Variants in SORCS2 observed in about 807,000 individuals in gnomAD.
SORCS2 encodes the protein sortilin related VPS10 domain containing receptor 2.
In SORCS2, 100 loss-of-function variants were observed where a neutral mutation model predicts 141.6. The observed-to-expected ratio is 0.71, with a 90% CI of 0.60 to 0.83. The LOEUF (loss-of-function observed/expected upper bound fraction) is 0.83, where lower values mean the gene tolerates loss of function less well. Among genes scored for constraint, SORCS2 ranks in the 40% least tolerant of loss-of-function variants. SORCS2 has a pLI of 0.00. For synonymous variants in SORCS2, 789 were observed against 676.9 expected, an observed-to-expected ratio of 1.17 and a Z score of -2.57; for missense variants, 1,646 against 1,560.2, an observed-to-expected ratio of 1.05 and a Z score of -0.93.
chr4:7,240,228 T>G (rs878869965), intron 1 of SORCS2, among the ~76,000 whole-genome samples: 2 of 152,162 alleles, frequency 1.3e-5, no homozygotes, highest in Non-Finnish European at 2.9e-5. Flanking sequence ...AAACACCAGG[T>G]ACCTGCGGGT....
chr4:7,282,614 C>T (rs567074450), intron 1 of SORCS2, among the ~76,000 whole-genome samples: 11 of 152,266 alleles, frequency 7.2e-5, no homozygotes, highest in South Asian at 2.1e-4. Flanking sequence ...GGGTGGGAGC[C>T]GGTGGGAAAG....
At chr4:7,427,317 C>G (rs1347672703) in intron 2 of SORCS2, among the ~76,000 whole-genome samples, 1 of 152,126 alleles carries the variant, frequency 6.6e-6, no homozygotes, top group Non-Finnish European at 1.5e-5. Context: ...GAGCCAGACT[C>G]TAAATGTGAT....
intron 1 of SORCS2, among the ~76,000 whole-genome samples, chr4:7,361,736 T>C (rs1240656050): frequency 1.3e-5 from 2 of 151,582 alleles, no homozygotes; most frequent in South Asian, 2.1e-4. Context: ...TGTAAGGCTT[T>C]TATTAAACTG....
At chr4:7,228,748 C>G (rs1214555308) in intron 1 of SORCS2, among the ~76,000 whole-genome samples, 2 of 152,230 alleles carry the variant, frequency 1.3e-5, no homozygotes, top group African/African-American at 2.4e-5. Context: ...TCCAGCTGCT[C>G]TGGGGCTGCT....
intron 1 of SORCS2, among the ~76,000 whole-genome samples, chr4:7,367,861 C>G (rs965206506): frequency 6.6e-6 from 1 of 152,194 alleles, no homozygotes; most frequent in Non-Finnish European, 1.5e-5. Context: ...AATCTGACCC[C>G]AAATCCCAGC....
At chr4:7,394,695 A>G (rs2109109066) in intron 1 of SORCS2, among the ~76,000 whole-genome samples, 1 of 152,240 alleles carries the variant, frequency 6.6e-6, no homozygotes, top group African/African-American at 2.4e-5. Context: ...GCTGGAAGGT[A>G]CAGGCAGGAG....
intron 1 of SORCS2, among the ~76,000 whole-genome samples, chr4:7,281,688 T>G (rs1715894117): frequency 6.6e-6 from 1 of 152,182 alleles, no homozygotes; most frequent in Non-Finnish European, 1.5e-5. Context: ...ACCCTAGCCT[T>G]GATGGCAGCC....
chr4:7,621,377 CTA>C (rs1418199984), intron 3 of SORCS2, among the ~76,000 whole-genome samples: 3 of 150,736 alleles, frequency 2.0e-5, no homozygotes, highest in African/African-American at 4.9e-5. Flanking sequence ...GTTTGTGTGT[CTA>C]TGTGTGAGTG....
rs192603078 is a variant in SORCS2, at chr4:7,661,463, T to G, written c.888-37T>G. On this transcript the variant is annotated intron_variant, in intron 5 of 26. Transcript: ENST00000507866. ...GCAGCTGGGGGACGGGCATGGTGACTCCATTCCCGACCCCAGCCTCAGCTC... is the reference window on the plus strand; with the variant it reads ...GCAGCTGGGGGACGGGCATGGTGACGCCATTCCCGACCCCAGCCTCAGCTC... The G allele has an allele frequency of 5.6e-3, 8,676 of 1,547,378 alleles. 330 individuals are homozygous for G. The South Asian group carries it at 0.075, about 13-fold the overall frequency.
chr4:7,282,650 TGTCAGTC>T (rs1350653920), intron 1 of SORCS2, among the ~76,000 whole-genome samples: 3 of 152,176 alleles, frequency 2.0e-5, no homozygotes, highest in African/African-American at 7.2e-5. Context: ...CTTTGGGTGG[TGTCAGTC>T]ACGCCAGTGG....
chr4:7,216,962 C>G, intron 1 of SORCS2, among the ~76,000 whole-genome samples: 1 of 152,144 alleles, frequency 6.6e-6, no homozygotes, highest in African/African-American at 2.4e-5. Context: ...GTTCCCGTGG[C>G]TCTTCTGATC....
intron 1 of SORCS2, among the ~76,000 whole-genome samples, chr4:7,244,457 C>T (rs1351171533): frequency 6.6e-6 from 1 of 152,268 alleles, no homozygotes; most frequent in Non-Finnish European, 1.5e-5. Context: ...ACACCCGCTG[C>T]TCCGTCCCTG....
At chr4:7,513,941 G>A (rs1449001470) in intron 2 of SORCS2, among the ~76,000 whole-genome samples, 5 of 152,310 alleles carry the variant, frequency 3.3e-5, no homozygotes, top group African/African-American at 1.2e-4. Flanking sequence ...GTCGTGCAGA[G>A]ACTGAATCAG....
At chr4:7,199,194 G>A (rs1489957772) in intron 1 of SORCS2, among the ~76,000 whole-genome samples, 1 of 152,220 alleles carries the variant, frequency 6.6e-6, no homozygotes, top group Non-Finnish European at 1.5e-5. Flanking sequence ...CAGAGGAAGG[G>A]CCTGGAGCCA....
At position 7,458,432 on chromosome 4, in the gene SORCS2, T is replaced by G. The variant is rs376288657; in HGVS notation, c.548+62077T>G. Among the ~76,000 whole-genome samples the G allele has an allele frequency of 7.2e-5, 11 of 152,214 alleles. No individual in the cohort carries two copies. The South Asian group carries it at 1.7e-3, about 23-fold the overall frequency. On this transcript the variant is annotated intron_variant, in intron 2 of 26. Transcript: ENST00000507866. ...CTCCCCTGAGTCCTTTGGGGGCCCC[T>G]GAGCAAAGAAGGATGTGGGGAAACC... is the stretch of plus-strand genomic sequence containing the variant.
chr4:7,363,340 T>TCAC (rs1314550942), intron 1 of SORCS2, among the ~76,000 whole-genome samples: 7 of 151,818 alleles, frequency 4.6e-5, no homozygotes, highest in African/African-American at 1.5e-4. Flanking sequence ...ATCAATACTA[T>TCAC]CACCACCACC....
intron 1 of SORCS2, among the ~76,000 whole-genome samples, chr4:7,317,995 G>A (rs1266788719): frequency 6.6e-6 from 1 of 152,206 alleles, no homozygotes; most frequent in Non-Finnish European, 1.5e-5. Context: ...CAGGAACCAC[G>A]AGCACGTGTT....
chr4:7,288,540 C>G (rs1198255972), intron 1 of SORCS2, among the ~76,000 whole-genome samples: 2 of 100,460 alleles, frequency 2.0e-5, no homozygotes. Context: ...GCAGCCTCTT[C>G]TCCCAGGGGC....
At chr4:7,460,256 G>T (rs1434494067) in intron 2 of SORCS2, 1 of 154,580 alleles carries the variant, frequency 6.5e-6, no homozygotes, top group African/African-American at 2.4e-5. Context: ...ACTGAGCGAT[G>T]CCATGCCCTA....
Sources: allele counts gnomAD v4.1 joint callset (sites outside exome capture counted in the v4.1 genomes callset), GRCh38; gene constraint gnomAD v4.1.1; transcripts MANE v1.5; gene names NCBI Gene and HGNC (gene_info 2026-07-23, HGNC 2026-07-21).